ACOX1: variants seen among roughly 807,000 people sequenced by gnomAD.
ACOX1 encodes acyl-CoA oxidase 1.
A neutral mutation model predicts 75.5 loss-of-function variants in ACOX1; 41 were observed. The ratio of observed to expected loss-of-function variants is 0.54; its 90% CI spans 0.42 to 0.70. ACOX1 has a LOEUF of 0.70. Among genes scored for constraint, ACOX1 ranks in the 30% least tolerant of loss-of-function variants. The probability of loss-of-function intolerance (pLI) is 0.00; values close to 1 mark genes in which losing one functional copy is unlikely to be tolerated. For synonymous variants in ACOX1, 303 were observed against 298.8 expected (o/e 1.01, Z -0.15); for missense variants, 630 against 837.5 (o/e 0.75, Z 3.06).
Position 75,946,662 on chromosome 17 carries a change from G to T in ACOX1, c.*86C>A. 1 of 1,124,776 alleles carries T rather than the reference G, an allele frequency of 8.9e-7. No individual in the cohort carries two copies. Among genetic ancestry groups the T allele is most frequent in the South Asian group, 1.3e-5 (1 of 78,894 alleles). The allele number at this position is 1,124,776 out of a possible 1,614,324, so 69.7% of individuals were successfully genotyped here. On this transcript the variant is annotated 3_prime_UTR_variant, in exon 14 of 14. Coordinates refer to ENST00000293217, the MANE Select transcript of ACOX1 (RefSeq NM_004035.7). ...GGGTCAATTTATCATTTGCTCTATA[G>T]CTATTTGAATTCGAAAAAGATTCCA...
At position 75,941,669 on chromosome 17, in the gene ACOX1, C is replaced by G. The variant is rs1379896247; in HGVS notation, c.*5079G>C. 2 of 152,376 alleles carry G rather than the reference C, an allele frequency of 1.3e-5. No homozygotes were observed. Among genetic ancestry groups the G allele is most frequent in the Non-Finnish European group, 1.5e-5 (1 of 68,116 alleles). 9.4% of individuals were successfully genotyped at this position (152,376 alleles called of 1,614,324 possible). On this transcript the variant is annotated 3_prime_UTR_variant, in exon 14 of 14. Transcript: ENST00000293217. Reference sequence around the variant, plus strand: ...GCCCCGTGCCCCTCGTCCTCCCACCCCTACCCCACAGGACACCATTAAGCC... The same window carrying G: ...GCCCCGTGCCCCTCGTCCTCCCACCGCTACCCCACAGGACACCATTAAGCC...
At position 75,960,370 on chromosome 17, in the gene ACOX1, A is replaced by C; in HGVS notation, c.275T>G (p.Val92Gly). Residue 92 changes from valine to glycine, a missense_variant, in exon 3 of 14, where the codon GTG (valine) becomes GGG (glycine). Val to Gly is a moderately radical substitution (Grantham distance 109, BLOSUM62 -3). Transcript: ENST00000293217. The surrounding 1 kb of genome is among the most constrained non-coding windows in gnomAD (Gnocchi z 4.4). Reference sequence around the variant, plus strand: ...CAGAGGCTCAGGCCGCCCTCGGTGCACAAAACTTCGAGGAAATATCAAGGA... The same window carrying C: ...CAGAGGCTCAGGCCGCCCTCGGTGCCCAAAACTTCGAGGAAATATCAAGGA... The part of the protein sequence containing the change: ...PDEIMWFKNF[V>G]HRGRPEPLDL... 6.2e-7 allele frequency: 1 copy of C among 1,613,838 alleles called. No homozygotes were observed. The highest frequency in any genetic ancestry group is 8.5e-7 in the Non-Finnish European group (1 of 1,179,982).
At chr17:75,957,008 T>TATATACACACAC (rs1555617568) in intron 4 of ACOX1, among the ~76,000 whole-genome samples, 1 of 110,178 alleles carries the variant, frequency 9.1e-6, no homozygotes, top group African/African-American at 3.8e-5. Flanking sequence ...TATATATATA[T>TATATACACACAC]ACACACACAC....
At chr17:75,964,649 T>C (rs1279279607) in intron 2 of ACOX1, among the ~76,000 whole-genome samples, 2 of 152,218 alleles carry the variant, frequency 1.3e-5, no homozygotes, top group African/African-American at 2.4e-5. Flanking sequence ...GGATGAAATT[T>C]AGAAATGTTA....
chr17:75,959,759 G>A (rs1322302376), intron 3 of ACOX1, among the ~76,000 whole-genome samples: 2 of 152,070 alleles, frequency 1.3e-5, no homozygotes, highest in African/African-American at 2.4e-5. Flanking sequence ...TGTCACACAC[G>A]TCAGTTATAA....
intron 6 of ACOX1, among the ~76,000 whole-genome samples, chr17:75,955,009 A>G (rs574191100): frequency 1.3e-5 from 2 of 152,106 alleles, no homozygotes; most frequent in Non-Finnish European, 2.9e-5. Context: ...CTGGGACTAC[A>G]GGTGCGCACC....
chr17:75,958,807 CAA>C (rs60077017), intron 3 of ACOX1, among the ~76,000 whole-genome samples: 19,269 of 86,106 alleles, frequency 0.22, 1,753 homozygotes, highest in African/African-American at 0.34. Flanking sequence ...GACTCCGTCT[CAA>C]AAAAAAAAAA....
intron 12 of ACOX1, among the ~76,000 whole-genome samples, chr17:75,948,964 A>C (rs1271673136): frequency 6.6e-6 from 1 of 150,488 alleles, no homozygotes; most frequent in Admixed American, 6.6e-5. Flanking sequence ...GGTTCAAATG[A>C]TTCTCGTGCC....
intron 3 of ACOX1, among the ~76,000 whole-genome samples, chr17:75,958,081 G>A (rs1178435669): frequency 2.0e-5 from 3 of 152,252 alleles, no homozygotes; most frequent in Middle Eastern, 6.8e-3. Flanking sequence ...ATGGCTGTGC[G>A]TGGTGGCTCA....
intron 4 of ACOX1, 148 bp downstream of exon 4, chr17:75,957,311 C>T: frequency 1.4e-6 from 1 of 728,376 alleles, no homozygotes; most frequent in Non-Finnish European, 2.5e-6. Context: ...GAATTCCTGA[C>T]CTCAAGTGAT....
chr17:75,957,656 C>G lies in ACOX1; in HGVS notation c.431-90G>C, dbSNP rs79158403. 4,465 of 961,662 alleles carry G rather than the reference C, an allele frequency of 4.6e-3. 18 individuals are homozygous for G. Among genetic ancestry groups the G allele is most frequent in the Non-Finnish European group, 6.8e-3 (4,104 of 606,890 alleles). The allele number at this position is 961,662 out of a possible 1,614,324, so 59.6% of individuals were successfully genotyped here. ...TTTCCTGCACAGTCCTTTAAACTCT[C>G]ATATCTCAGAGAAAAACAAAATCTA... On this transcript the variant is annotated intron_variant, in intron 3 of 13. Transcript: ENST00000293217.
chr17:75,962,865 C>G (rs541743288), intron 2 of ACOX1, among the ~76,000 whole-genome samples: 74 of 152,328 alleles, frequency 4.9e-4, no homozygotes, highest in African/African-American at 1.8e-3. Flanking sequence ...GGCGCGGTGG[C>G]TCACGCCTGT....
Position 75,955,619 on chromosome 17 carries a change from T to C in ACOX1, c.721A>G (p.Lys241Glu). The C allele has an allele frequency of 6.2e-7, 1 of 1,614,244 alleles. No individual in the cohort carries two copies. Among genetic ancestry groups the C allele is most frequent in the South Asian group, 1.1e-5 (1 of 91,086 alleles). The change falls in exon 6 of 14, where the codon AAA becomes GAA. Residue 241 changes from lysine to glutamate, a missense_variant. Physicochemically the swap from Lys to Glu is moderately conservative, Grantham distance 56. Around this residue, in one of 2 missense-constraint regions of ACOX1, gnomAD observed 390 missense variants for 574.9 expected, o/e 0.68. Coordinates refer to ENST00000293217, the MANE Select transcript of ACOX1 (RefSeq NM_004035.7). The part of the protein sequence containing the change: ...GYDEIDNGYL[K>E]MDNHRIPREN... ...CTGGGAATACGATGGTTGTCCATTT[T>C]GAGGTAGCCATTGTCTATCTCATCA...
At position 75,978,338 on chromosome 17, in the gene ACOX1, C is replaced by T. The variant is rs957055957; in HGVS notation, c.269+196G>A. ...TCGATCTCCTGACTTGGTGATCCGCCCGCCTCGGCCTCCCAAAGTGCTGGG... is the reference window on the plus strand; with the variant it reads ...TCGATCTCCTGACTTGGTGATCCGCTCGCCTCGGCCTCCCAAAGTGCTGGG... On this transcript the variant is annotated intron_variant, in intron 2 of 13. Coordinates refer to ENST00000293217, the MANE Select transcript of ACOX1 (RefSeq NM_004035.7). This position sits in a 1 kb window ranked among gnomAD's most constrained non-coding sequence, Gnocchi z 4.2. The T allele has an allele frequency of 1.9e-5, 11 of 573,732 alleles. No homozygotes were observed. The highest frequency in any genetic ancestry group is 1.4e-4 in the Admixed American group (6 of 42,382). The allele number at this position is 573,732 out of a possible 1,614,324, so 35.5% of individuals were successfully genotyped here.
chr17:75,954,228 A>C (rs1346839245), intron 6 of ACOX1, among the ~76,000 whole-genome samples: 3 of 150,068 alleles, frequency 2.0e-5, no homozygotes, highest in East Asian at 2.0e-4. Context: ...AAAAAAAAAA[A>C]AACCAAAAAA....
chr17:75,951,808 CTTTTTTTTTTTT>C (rs1029666749), intron 7 of ACOX1, among the ~76,000 whole-genome samples: 2 of 77,430 alleles, frequency 2.6e-5, no homozygotes, highest in Admixed American at 1.9e-4. Context: ...TAAATTGAGG[CTTTTTTTTTTTT>C]TTTTTTTTTT....
Position 75,979,007 on chromosome 17 carries a change from G to T in ACOX1, c.67C>A (p.Leu23Met). Reference protein sequence around the residue: ...SFNPELLTHILDGSPEKTRRR... With the variant: ...SFNPELLTHIMDGSPEKTRRR... Reference sequence around the variant, plus strand: ...CGGGTTTTCTCGGGGCTGCCGTCCAGGATGTGTGTAAGCAGCTCCGGGTTG... The same window carrying T: ...CGGGTTTTCTCGGGGCTGCCGTCCATGATGTGTGTAAGCAGCTCCGGGTTG... Residue 23 changes from leucine to methionine, a missense_variant, in exon 1 of 14, where the codon CTG becomes ATG. By Grantham distance (15) the Leu-to-Met change is conservative (BLOSUM62 2). Around this residue, in one of 2 missense-constraint regions of ACOX1, gnomAD observed 390 missense variants for 574.9 expected, o/e 0.68. Transcript: ENST00000293217. 6.2e-7 allele frequency: 1 copy of T among 1,612,088 alleles called. No homozygotes were observed.
chr17:75,965,629 C>T (rs1198372631), intron 2 of ACOX1, among the ~76,000 whole-genome samples: 6 of 148,682 alleles, frequency 4.0e-5, no homozygotes, highest in Admixed American at 4.0e-4. Flanking sequence ...TTTTTAAATA[C>T]CTTACAAGCC....
intron 2 of ACOX1, among the ~76,000 whole-genome samples, chr17:75,966,798 T>A (rs2065937054): frequency 6.6e-6 from 1 of 151,044 alleles, no homozygotes; most frequent in Non-Finnish European, 1.5e-5. Context: ...AGATTCTGTC[T>A]CAAAAAAATT....
Sources: allele counts gnomAD v4.1 joint callset (sites outside exome capture counted in the v4.1 genomes callset), GRCh38; gene constraint gnomAD v4.1.1; regional missense constraint gnomAD v4.1.1; non-coding constraint Gnocchi (gnomAD v3.1); transcripts MANE v1.5; gene names NCBI Gene and HGNC (gene_info 2026-07-23, HGNC 2026-07-21).